Variants in SNTB2 observed in about 807,000 individuals in gnomAD.
SNTB2 encodes beta-2-syntrophin.
In SNTB2, 34 loss-of-function variants were observed where a neutral mutation model predicts 46.2. The ratio of observed to expected loss-of-function variants is 0.74; its 90% CI spans 0.56 to 0.98. SNTB2 has a LOEUF of 0.98. Among genes scored for constraint, SNTB2 ranks in the 50% least tolerant of loss-of-function variants. The probability of loss-of-function intolerance (pLI) is 0.00; values close to 1 mark genes in which losing one functional copy is unlikely to be tolerated. For missense variants in SNTB2, 603 were observed against 731.4 expected, an observed-to-expected ratio of 0.82 and a Z score of 2.02; for synonymous variants, 290 against 312.6, an observed-to-expected ratio of 0.93 and a Z score of 0.76.
At chr16:69,191,231 A>AAAG (rs1464007366) in intron 1 of SNTB2, 4 of 149,928 alleles carry the variant, frequency 2.7e-5, no homozygotes, top group Middle Eastern at 6.8e-3. Context: ...TAAAAAAAAA[A>AAAG]AAAGAAAGAA....
At chr16:69,232,502 C>CTTTT (rs1032986410) in intron 1 of SNTB2, among the ~76,000 whole-genome samples, 2 of 63,884 alleles carry the variant, frequency 3.1e-5, no homozygotes, top group Non-Finnish European at 6.0e-5. Flanking sequence ...ACGGTGCGGC[C>CTTTT]TTTTTTTTTT....
chr16:69,207,962 A>G (rs1964241017), intron 1 of SNTB2, among the ~76,000 whole-genome samples: 1 of 150,900 alleles, frequency 6.6e-6, no homozygotes, highest in Non-Finnish European at 1.5e-5. Context: ...TACAAAAATT[A>G]GCCAGGCATG....
intron 3 of SNTB2, among the ~76,000 whole-genome samples, chr16:69,268,630 C>G (rs911700599): frequency 6.6e-6 from 1 of 151,992 alleles, no homozygotes; most frequent in African/African-American, 2.4e-5. Context: ...TCTGGGAGAC[C>G]GAGGCGGGTG....
intron 1 of SNTB2, among the ~76,000 whole-genome samples, chr16:69,210,019 ATTTTT>A (rs137973730): frequency 8.2e-6 from 1 of 122,152 alleles, no homozygotes; most frequent in African/African-American, 3.1e-5. Flanking sequence ...TTGTTATTTA[ATTTTT>A]TTTTTTTTTT....
intron 1 of SNTB2, among the ~76,000 whole-genome samples, chr16:69,203,659 A>G (rs1358955395): frequency 3.9e-5 from 6 of 152,084 alleles, no homozygotes; most frequent in African/African-American, 1.4e-4. Context: ...TACAGATAGT[A>G]TTAACCTTTG....
At chr16:69,204,829 A>C (rs1964197910) in intron 1 of SNTB2, among the ~76,000 whole-genome samples, 1 of 152,188 alleles carries the variant, frequency 6.6e-6, no homozygotes, top group Non-Finnish European at 1.5e-5. Flanking sequence ...TTGGCATCAA[A>C]TTACTTTTCT....
In SNTB2 at chr16:69,187,346, G is replaced by A. The variant is rs1364849019; in HGVS notation, c.180G>A (p.Glu60=). 1.4e-6 allele frequency: 2 copies of A among 1,434,176 alleles called. No homozygotes were observed. The highest frequency in any genetic ancestry group is 2.8e-5 in the South Asian group (2 of 72,714). The allele number at this position is 1,434,176 out of a possible 1,614,324, so 88.8% of individuals were successfully genotyped here. ...GCGACGCCGCCGCGGCCGAGCTGGA[G>A]CCCGCTCTGGGACCCGCGGCCGCCG... The part of the protein sequence containing the change: ...LTGDAAAAEL[E]PALGPAAAAF... Residue 60 remains glutamate, a synonymous_variant, in exon 1 of 7, where the codon GAG becomes GAA. Transcript: ENST00000336278.
intron 1 of SNTB2, among the ~76,000 whole-genome samples, chr16:69,204,394 T>C (rs1238190569): frequency 6.6e-6 from 1 of 152,228 alleles, no homozygotes; most frequent in Non-Finnish European, 1.5e-5. Context: ...CATCAGGTCT[T>C]ATTCCATATA....
Position 69,304,463 on chromosome 16 carries a change from G to A in SNTB2, c.*3539G>A, listed in dbSNP as rs926832835. On this transcript the variant is annotated 3_prime_UTR_variant, in exon 7 of 7. Coordinates refer to ENST00000336278, the MANE Select transcript of SNTB2 (RefSeq NM_006750.4). ...TATGTTCTGTACTCTCACAAACTTT[G>A]TTACTCAAAATTATTGCATGGCAGG... 2 of 152,498 alleles carry A rather than the reference G, an allele frequency of 1.3e-5. No homozygotes were observed. Among genetic ancestry groups the A allele is most frequent in the Non-Finnish European group, 2.9e-5 (2 of 68,002 alleles). The allele number at this position is 152,498 out of a possible 1,614,324, so 9.4% of individuals were successfully genotyped here.
At position 69,280,207 on chromosome 16, in the gene SNTB2, G is replaced by A. The variant is rs1009754348; in HGVS notation, c.1149-3841G>A. On this transcript the variant is annotated intron_variant, in intron 4 of 6. Coordinates refer to ENST00000336278, the MANE Select transcript of SNTB2 (RefSeq NM_006750.4). ...GGTCACCGATCAACAGGATCACAAG[G>A]CAGAAGAATTTTTCTTAGTACAGAA... 3.4e-4 allele frequency among the ~76,000 whole-genome samples: 52 copies of A among 152,186 alleles called. 1 individual carries two copies. The highest frequency in any genetic ancestry group is 2.2e-4 in the Non-Finnish European group (15 of 68,026).
At chr16:69,197,997 T>TA (rs142889203) in intron 1 of SNTB2, among the ~76,000 whole-genome samples, 2,551 of 152,050 alleles carry the variant, frequency 0.017, 85 homozygotes, top group African/African-American at 0.059. Flanking sequence ...CAAATTCTGC[T>TA]AAAAACAGCA....
chr16:69,266,907 G>A (rs981668444), intron 3 of SNTB2, among the ~76,000 whole-genome samples: 1 of 152,050 alleles, frequency 6.6e-6, no homozygotes, highest in Non-Finnish European at 1.5e-5. Flanking sequence ...TGTGGAGATG[G>A]GGTTTTAGCA....
intron 1 of SNTB2, among the ~76,000 whole-genome samples, chr16:69,204,742 C>T (rs924131198): frequency 1.3e-5 from 2 of 152,186 alleles, no homozygotes; most frequent in Non-Finnish European, 2.9e-5. Context: ...GCATTTGCCC[C>T]TTCAGTACCA....
chr16:69,217,364 C>T (rs1899491226), intron 1 of SNTB2, among the ~76,000 whole-genome samples: 1 of 152,026 alleles, frequency 6.6e-6, no homozygotes, highest in Admixed American at 6.6e-5. Flanking sequence ...ATCCCAGGTA[C>T]TTGGGAGGCT....
At chr16:69,290,349 A>G (rs75353974) in intron 5 of SNTB2, among the ~76,000 whole-genome samples, 18 of 152,304 alleles carry the variant, frequency 1.2e-4, no homozygotes, top group African/African-American at 3.8e-4. Flanking sequence ...AAGCCATTAA[A>G]GTTTTTAAGT....
At chr16:69,235,786 G>C (rs1312002407) in intron 1 of SNTB2, 2 of 1,289,182 alleles carry the variant, frequency 1.6e-6, no homozygotes, top group African/African-American at 1.5e-5. Flanking sequence ...CAATATCAGG[G>C]GCACATCAGC....
rs1964821146 is a variant in SNTB2 at position 69,260,075 on chromosome 16, A to G, written c.820A>G (p.Ser274Gly). Reference protein sequence around the residue: ...NRLIELHSPDSRNTLILRCKD... With the variant: ...NRLIELHSPDGRNTLILRCKD... ...ATTGATAGAGCTACATTCTCCTGAT[A>G]GCAGGAACACGTTGATCCTACGCTG... Residue 274 changes from serine to glycine, a missense_variant, in exon 3 of 7, where the codon AGC becomes GGC. By Grantham distance (56) the Ser-to-Gly change is moderately conservative. Around this residue, in one of 2 missense-constraint regions of SNTB2, gnomAD observed 537 missense variants for 692.4 expected, o/e 0.78. Transcript: ENST00000336278. 6.2e-7 allele frequency: 1 copy of G among 1,613,240 alleles called. No individual in the cohort carries two copies. Among genetic ancestry groups the G allele is most frequent in the South Asian group, 1.1e-5 (1 of 91,052 alleles).
rs1348256835 is a variant in SNTB2 at position 69,307,092 on chromosome 16, T to C, written c.*6168T>C. 2 of 152,210 alleles carry C rather than the reference T, an allele frequency of 1.3e-5. No homozygotes were observed. The highest frequency in any genetic ancestry group is 6.5e-5 in the Admixed American group (1 of 15,282). The allele number at this position is 152,210 out of a possible 1,614,324, so 9.4% of individuals were successfully genotyped here. On this transcript the variant is annotated 3_prime_UTR_variant, in exon 7 of 7. Coordinates refer to ENST00000336278, the MANE Select transcript of SNTB2 (RefSeq NM_006750.4). ...CATGTGTTCTTTCATCTAATAAACA[T>C]TTATTAATGTATAGTTCTACACCAG...
chr16:69,220,411 C>T (rs1431249581), intron 1 of SNTB2, among the ~76,000 whole-genome samples: 1 of 151,178 alleles, frequency 6.6e-6, no homozygotes, highest in Non-Finnish European at 1.5e-5. Flanking sequence ...CCTCCCGCCT[C>T]AGCCTCCCAA....
Sources: gnomAD v4.1 joint callset for allele counts (sites outside exome capture counted in the v4.1 genomes callset) on GRCh38, gnomAD v4.1.1 for gene constraint, gnomAD v4.1.1 regional missense constraint, MANE v1.5 for transcripts, NCBI Gene and HGNC (gene_info 2026-07-23, HGNC 2026-07-21) for gene names.